The following FBXW11 variants were observed in gnomAD, a reference collection of about 807,000 sequenced individuals.
FBXW11 encodes the protein F-box/WD repeat-containing protein 11.
Under a neutral mutation model 77.6 loss-of-function variants are expected in FBXW11, and 19 were observed. The observed-to-expected ratio is 0.24, with a 90% CI of 0.17 to 0.36. The LOEUF is 0.36. Ranked by LOEUF, FBXW11 falls within the 10% of genes least tolerant of loss-of-function variation. FBXW11 has a pLI of 1.00. For synonymous variants in FBXW11, 235 were observed against 249.4 expected (o/e 0.94, Z 0.54); for missense variants, 334 against 704.2 (o/e 0.47, Z 5.95).
chr5:171,970,791 T>C (rs1419549411), intron 1 of FBXW11, among the ~76,000 whole-genome samples: 1 of 152,250 alleles, frequency 6.6e-6, no homozygotes, highest in East Asian at 1.9e-4. Context: ...CAGTAAAGTT[T>C]ACACTTGCTC....
At chr5:171,960,389 A>C (rs1763845722) in intron 1 of FBXW11, among the ~76,000 whole-genome samples, 1 of 152,186 alleles carries the variant, frequency 6.6e-6, no homozygotes, top group African/African-American at 2.4e-5. Context: ...ACAACAACAA[A>C]AAAGGATTAC....
chr5:171,952,447 A>ATATATATATATATATATTTT (rs1200841290), intron 2 of FBXW11, among the ~76,000 whole-genome samples: 5 of 6,944 alleles, frequency 7.2e-4, no homozygotes, highest in African/African-American at 6.8e-4. Context: ...ATATATATAT[A>ATATATATATATATATATTTT]TTTTTTTTTT....
At chr5:171,917,212 C>A (rs1761311924) in intron 2 of FBXW11, among the ~76,000 whole-genome samples, 1 of 152,228 alleles carries the variant, frequency 6.6e-6, no homozygotes, top group Admixed American at 6.5e-5. Context: ...AGCCACTGCA[C>A]CCAGCCAAGA....
chr5:171,912,320 G>C (rs528712928), intron 3 of FBXW11, among the ~76,000 whole-genome samples: 1 of 152,112 alleles, frequency 6.6e-6, no homozygotes, highest in East Asian at 1.9e-4. Flanking sequence ...ACTGACACCA[G>C]GTACCACCAG....
At chr5:171,996,701 C>A (rs1250989331) in intron 1 of FBXW11, among the ~76,000 whole-genome samples, 1 of 152,114 alleles carries the variant, frequency 6.6e-6, no homozygotes, top group Non-Finnish European at 1.5e-5. Flanking sequence ...AAGTTTTTAC[C>A]AGGAATTCAG....
At chr5:171,927,260 A>T (rs1001996463) in intron 2 of FBXW11, among the ~76,000 whole-genome samples, 5 of 152,260 alleles carry the variant, frequency 3.3e-5, no homozygotes, top group Non-Finnish European at 7.3e-5. Flanking sequence ...GTGATGATGC[A>T]TCACTGGACT....
At chr5:171,978,196 A>C (rs1458032978) in intron 1 of FBXW11, among the ~76,000 whole-genome samples, 1 of 152,166 alleles carries the variant, frequency 6.6e-6, no homozygotes, top group African/African-American at 2.4e-5. Flanking sequence ...CTGTGACTCA[A>C]GTGCAGAAAG....
chr5:171,940,190 C>T (rs1762677095), intron 2 of FBXW11, among the ~76,000 whole-genome samples: 1 of 151,982 alleles, frequency 6.6e-6, no homozygotes, highest in Non-Finnish European at 1.5e-5. Context: ...TGTGGAAAAC[C>T]GGAGTCAGGT....
intron 2 of FBXW11, among the ~76,000 whole-genome samples, chr5:171,948,564 C>T (rs1034134624): frequency 2.0e-5 from 3 of 151,906 alleles, no homozygotes; most frequent in African/African-American, 7.3e-5. Context: ...ATAGGAAGAT[C>T]CCATTTCTAT....
At chr5:171,978,186 C>A (rs1764941041) in intron 1 of FBXW11, among the ~76,000 whole-genome samples, 1 of 151,828 alleles carries the variant, frequency 6.6e-6, no homozygotes, top group Admixed American at 6.6e-5. Flanking sequence ...AAAAAAATCA[C>A]TGTGACTCAA....
intron 1 of FBXW11, among the ~76,000 whole-genome samples, chr5:172,004,949 G>A (rs193299635): frequency 5.3e-5 from 8 of 151,920 alleles, no homozygotes; most frequent in African/African-American, 1.4e-4. Context: ...TTTCAAGAAT[G>A]CTAGAGAAGT....
At chr5:171,922,907 G>A (rs930095622) in intron 2 of FBXW11, among the ~76,000 whole-genome samples, 6 of 150,098 alleles carry the variant, frequency 4.0e-5, no homozygotes, top group East Asian at 1.9e-4. Flanking sequence ...GTGTGTGTGC[G>A]TGTGTGTGTG....
chr5:171,881,736 T>C (rs924481508), intron 7 of FBXW11, among the ~76,000 whole-genome samples: 1 of 152,238 alleles, frequency 6.6e-6, no homozygotes, highest in Admixed American at 6.5e-5. Flanking sequence ...TAATTAATTA[T>C]TGACTCAATT....
chr5:171,919,887 G>A (rs1761482828), intron 2 of FBXW11, among the ~76,000 whole-genome samples: 1 of 152,188 alleles, frequency 6.6e-6, no homozygotes, highest in Non-Finnish European at 1.5e-5. Flanking sequence ...TGGGCGCAGT[G>A]GCTCATGCCT....
At chr5:171,896,414 G>A (rs1423306958) in intron 6 of FBXW11, among the ~76,000 whole-genome samples, 6 of 152,042 alleles carry the variant, frequency 3.9e-5, no homozygotes, top group African/African-American at 1.4e-4. Flanking sequence ...TCCCATAACT[G>A]GACTAAAACA....
intron 3 of FBXW11, among the ~76,000 whole-genome samples, 157 bp downstream of exon 3, chr5:171,914,186 T>C (rs1302273964): frequency 2.0e-5 from 3 of 152,320 alleles, no homozygotes; most frequent in Non-Finnish European, 2.9e-5. Flanking sequence ...CAATTCCCTA[T>C]GGAATGAAGA....
chr5:171,876,321 C>G lies in FBXW11; in HGVS notation c.1185G>C (p.Lys395Asn), dbSNP rs771280574. ...AAVNVVDFDD[K>N]YIVSASGDRT... ...TGTCACCAGAGGCAGACACGATGTACTTGTCGTCAAAGTCTACTACATTGA... is the reference window on the plus strand; with the variant it reads ...TGTCACCAGAGGCAGACACGATGTAGTTGTCGTCAAAGTCTACTACATTGA... Residue 395 changes from lysine to asparagine, a missense_variant, in exon 9 of 14, where the codon AAG (lysine) becomes AAC (asparagine). Lys to Asn is a moderately conservative substitution (Grantham distance 94, BLOSUM62 0). This residue lies in a region of FBXW11 where 50 missense variants were observed against 119.6 expected (regional missense o/e 0.42). Coordinates refer to ENST00000517395, the MANE Select transcript of FBXW11 (RefSeq NM_001378974.1). The surrounding 1 kb of genome is among the most constrained non-coding windows in gnomAD (Gnocchi z 4.2). The G allele has an allele frequency of 2.5e-6, 4 of 1,614,234 alleles. No individual in the cohort carries two copies. In the Admixed American group the frequency reaches 6.7e-5, roughly 27 times the overall value.
chr5:171,894,559 C>T (rs1759607142), intron 6 of FBXW11, among the ~76,000 whole-genome samples: 1 of 152,136 alleles, frequency 6.6e-6, no homozygotes, highest in Admixed American at 6.5e-5. Flanking sequence ...TCCTGGGTAA[C>T]TCCTCTTCTC....
At chr5:171,912,854 G>A (rs1179163398) in intron 3 of FBXW11, among the ~76,000 whole-genome samples, 2 of 151,760 alleles carry the variant, frequency 1.3e-5, no homozygotes, top group African/African-American at 2.4e-5. Flanking sequence ...AGGGTGCAGT[G>A]AGCTGAGATT....
Sources: allele counts gnomAD v4.1 joint callset (sites outside exome capture counted in the v4.1 genomes callset), GRCh38; gene constraint gnomAD v4.1.1; regional missense constraint gnomAD v4.1.1; non-coding constraint Gnocchi (gnomAD v3.1); transcripts MANE v1.5; gene names NCBI Gene and HGNC (gene_info 2026-07-23, HGNC 2026-07-21).